SPTBN4: variants seen among roughly 807,000 people sequenced by gnomAD.
SPTBN4 encodes the protein spectrin beta chain, non-erythrocytic 4.
Under a neutral mutation model 277.8 loss-of-function variants are expected in SPTBN4, and 96 were observed. That is an observed-to-expected ratio of 0.35 (90% CI 0.29 to 0.41). SPTBN4 has a LOEUF of 0.41. Among genes scored for constraint, SPTBN4 ranks in the 10% least tolerant of loss-of-function variants. The pLI is 1.00. For missense variants in SPTBN4, 3,006 were observed against 3,595.7 expected, an observed-to-expected ratio of 0.84 and a Z score of 4.19; for synonymous variants, 1,481 against 1,580.3, an observed-to-expected ratio of 0.94 and a Z score of 1.49.
At chr19:40,477,046 A>ATTC (rs2079957084) in intron 2 of SPTBN4, among the ~76,000 whole-genome samples, 1 of 148,552 alleles carries the variant, frequency 6.7e-6, no homozygotes, top group Admixed American at 6.8e-5. Context: ...TATTATTATT[A>ATTC]TTATCATTAT....
chr19:40,512,571 G>A, intron 13 of SPTBN4, 35 bp from the exon 14 acceptor site: 1 of 1,494,602 alleles, frequency 6.7e-7, no homozygotes, highest in Non-Finnish European at 8.8e-7. Context: ...CTTGGCTTGT[G>A]ACCAATCCTG....
At chr19:40,480,844 C>T (rs1415259390) in intron 2 of SPTBN4, among the ~76,000 whole-genome samples, 5 of 152,142 alleles carry the variant, frequency 3.3e-5, no homozygotes, top group African/African-American at 4.8e-5. Context: ...AGGCGGATTA[C>T]TTGAGTCCAG....
At chr19:40,569,864 A>C in intron 32 of SPTBN4, 138 bp downstream of exon 32, 1 of 773,066 alleles carries the variant, frequency 1.3e-6, no homozygotes, top group Non-Finnish European at 1.9e-6. Flanking sequence ...ATGGACTCTC[A>C]GGGTCCCCAG....
At chr19:40,501,791 A>G in intron 7 of SPTBN4, 130 bp from the exon 8 acceptor site, 3 of 733,086 alleles carry the variant, frequency 4.1e-6, no homozygotes, top group Non-Finnish European at 7.1e-6. Flanking sequence ...CCTGAGGAAC[A>G]GAGAGGTTAA....
chr19:40,491,389 CT>C (rs1314424799), intron 4 of SPTBN4, among the ~76,000 whole-genome samples: 1 of 151,992 alleles, frequency 6.6e-6, no homozygotes, highest in African/African-American at 2.4e-5. Context: ...TTTATTCTGT[CT>C]GAGATGGGGA....
intron 2 of SPTBN4, among the ~76,000 whole-genome samples, chr19:40,480,975 G>A (rs906151841): frequency 6.6e-6 from 1 of 152,172 alleles, no homozygotes; most frequent in African/African-American, 2.4e-5. Context: ...TGAGGCAGGA[G>A]AATCACTTGA....
chr19:40,573,823 C>A (rs911587529), intron 35 of SPTBN4, among the ~76,000 whole-genome samples: 1 of 142,634 alleles, frequency 7.0e-6, no homozygotes, highest in South Asian at 2.3e-4. Context: ...ATAAACAGGC[C>A]GGGCATGGTG....
intron 17 of SPTBN4, among the ~76,000 whole-genome samples, chr19:40,524,851 C>T (rs115745829): frequency 0.012 from 1,854 of 152,286 alleles, 13 homozygotes; most frequent in Non-Finnish European, 0.015. Flanking sequence ...ACTAATCAAG[C>T]GAAGATATTT....
intron 32 of SPTBN4, 151 bp downstream of exon 32, chr19:40,569,877 T>G: frequency 1.4e-6 from 1 of 718,742 alleles, no homozygotes; most frequent in Non-Finnish European, 2.1e-6. Flanking sequence ...GTCCCCAGAA[T>G]CTGAAAATGT....
chr19:40,523,335 C>A, intron 16 of SPTBN4, 102 bp from the exon 17 acceptor site: 1 of 1,146,942 alleles, frequency 8.7e-7, no homozygotes, highest in Non-Finnish European at 1.2e-6. Flanking sequence ...ATGTTCTATG[C>A]TTGCAAGGTT....
At chr19:40,484,655 A>T (rs1036898796) in intron 2 of SPTBN4, among the ~76,000 whole-genome samples, 4 of 151,900 alleles carry the variant, frequency 2.6e-5, no homozygotes, top group Admixed American at 6.6e-5. Flanking sequence ...TGGCCAGGCG[A>T]GGTGGCTCAC....
At chr19:40,529,007 G>A (rs1220291394) in intron 17 of SPTBN4, 34 bp from the exon 18 acceptor site, 8 of 1,588,040 alleles carry the variant, frequency 5.0e-6, no homozygotes, top group African/African-American at 2.7e-5. Flanking sequence ...CCCAACCCGG[G>A]GCCTTTCCCC....
chr19:40,556,238 G>C lies in SPTBN4; in HGVS notation c.5239G>C (p.Glu1747Gln). 6.2e-7 allele frequency: 1 copy of C among 1,613,654 alleles called. No individual in the cohort carries two copies. Among genetic ancestry groups the C allele is most frequent in the Non-Finnish European group, 8.5e-7 (1 of 1,179,944 alleles). Reference protein sequence around the residue: ...SELEHWIAEKEVVAGSPELGQ... With the variant: ...SELEHWIAEKQVVAGSPELGQ... ...GCTTGAGCACTGGATTGCCGAGAAG[G>C]AGGTGGTGGCTGGCTCACCCGAGCT... Residue 1747 changes from glutamate to glutamine, a missense_variant, in exon 25 of 36, where the codon GAG becomes CAG. Transcript: ENST00000598249.
At chr19:40,570,333 G>A (rs1379711644) in intron 32 of SPTBN4, 103 bp from the exon 33 acceptor site, 6 of 639,346 alleles carry the variant, frequency 9.4e-6, no homozygotes, top group Non-Finnish European at 1.4e-5. Context: ...CGAGACAAAT[G>A]GCCCTGTAGA....
chr19:40,521,350 CTATTGTTATTACATTATAACA>C, intron 16 of SPTBN4, among the ~76,000 whole-genome samples: 1 of 152,248 alleles, frequency 6.6e-6, no homozygotes, highest in South Asian at 2.1e-4. Context: ...TGCTTTATTT[CTATTGTTATTACATTATAACA>C]TATAATGAAA....
At chr19:40,574,530 T>C (rs2081183509) in intron 35 of SPTBN4, among the ~76,000 whole-genome samples, 1 of 151,820 alleles carries the variant, frequency 6.6e-6, no homozygotes, top group South Asian at 2.1e-4. Flanking sequence ...CCCGGCTAAT[T>C]TATGTATTTT....
Position 40,556,258 on chromosome 19 carries a change from C to T in SPTBN4, c.5259C>T (p.Pro1753=), listed in dbSNP as rs372252125. The change falls in exon 25 of 36, where the codon CCC becomes CCT. Residue 1753 remains proline (P), a synonymous_variant. Coordinates refer to ENST00000598249, the MANE Select transcript of SPTBN4 (RefSeq NM_020971.3). ...IAEKEVVAGS[P]ELGQDFEHVS... ...AGAAGGAGGTGGTGGCTGGCTCACC[C>T]GAGCTCGGCCAGGACTTTGAGCATG... The T allele has an allele frequency of 3.5e-5, 57 of 1,612,784 alleles. No homozygotes were observed. The African/African-American group carries it at 5.5e-4, about 16-fold the overall frequency.
At chr19:40,478,539 A>T (rs2145808492) in intron 2 of SPTBN4, among the ~76,000 whole-genome samples, 1 of 151,974 alleles carries the variant, frequency 6.6e-6, no homozygotes, top group South Asian at 2.1e-4. Flanking sequence ...CACCTTAAGA[A>T]ATTTTATTTT....
intron 7 of SPTBN4, 120 bp from the exon 8 acceptor site, chr19:40,501,801 A>G (rs2080265549): frequency 2.5e-6 from 2 of 788,266 alleles, no homozygotes; most frequent in East Asian, 2.4e-5. Context: ...AGAGAGGTTA[A>G]TTATCTTGCC....
Sources: allele counts gnomAD v4.1 joint callset (sites outside exome capture counted in the v4.1 genomes callset), GRCh38; gene constraint gnomAD v4.1.1; transcripts MANE v1.5; gene names NCBI Gene and HGNC (gene_info 2026-07-23, HGNC 2026-07-21).